The following PAAF1 variants were observed in gnomAD, a reference collection of about 807,000 sequenced individuals.
PAAF1 encodes proteasomal ATPase-associated factor 1.
Under a neutral mutation model 52.8 loss-of-function variants are expected in PAAF1, and 46 were observed. That is an observed-to-expected ratio of 0.87 (90% CI 0.69 to 1.11). PAAF1 has a LOEUF of 1.11. Ranked by LOEUF, PAAF1 falls within the 50% of genes most tolerant of loss-of-function variation. PAAF1 has a pLI of 0.00. For missense variants in PAAF1, 424 were observed against 477.4 expected, an observed-to-expected ratio of 0.89 and a Z score of 1.04; for synonymous variants, 178 against 172.8, an observed-to-expected ratio of 1.03 and a Z score of -0.24.
chr11:73,902,846 G>A (rs1016818283), intron 6 of PAAF1, among the ~76,000 whole-genome samples: 3 of 152,078 alleles, frequency 2.0e-5, no homozygotes, highest in African/African-American at 4.8e-5. Flanking sequence ...ACAGGCATGC[G>A]CCACCATGCC....
At chr11:73,922,241 T>G in intron 10 of PAAF1, 1 of 631,400 alleles carries the variant, frequency 1.6e-6, no homozygotes, top group Middle Eastern at 3.7e-4. Context: ...TTTTGTACTT[T>G]TCTACTTTTC....
rs1554982141 is a variant in PAAF1 at position 73,908,415 on chromosome 11, G to GTGTA, written c.533-983_533-982insGTAT. Among the ~76,000 whole-genome samples the GTGTA allele has an allele frequency of 1.8e-3, 243 of 137,048 alleles. 1 individual carries two copies. The highest frequency in any genetic ancestry group is 6.5e-3 in the African/African-American group (231 of 35,706). 89.9% of individuals were successfully genotyped at this position (137,048 alleles called of 152,430 possible). Reference sequence around the variant, plus strand: ...TATATATATGTGTATATATATGTGTGTATATATATATATGGGTCTTGCTCC... The same window carrying GTGTA: ...TATATATATGTGTATATATATGTGTGTGTATATATATATATATGGGTCTTGCTCC... On this transcript the variant is annotated intron_variant, in intron 6 of 11. Coordinates refer to ENST00000310571, the MANE Select transcript of PAAF1 (RefSeq NM_025155.3).
chr11:73,927,384 G>A lies in PAAF1; in HGVS notation c.*22G>A. 7 of 1,599,470 alleles carry A rather than the reference G, an allele frequency of 4.4e-6. No individual in the cohort carries two copies. Among genetic ancestry groups the A allele is most frequent in the Non-Finnish European group, 6.0e-6 (7 of 1,167,452 alleles). On this transcript the variant is annotated 3_prime_UTR_variant, in exon 12 of 12. Transcript: ENST00000310571. ...CTGACTTCTTGGAAAGAGCAGTCCC[G>A]GTTAGTGAAAAGGTTTGACCCTGAT...
At chr11:73,885,110 C>T (rs1252114213) in intron 2 of PAAF1, among the ~76,000 whole-genome samples, 55 of 150,714 alleles carry the variant, frequency 3.6e-4, no homozygotes, top group African/African-American at 1.2e-3. Context: ...CCACCCGCCT[C>T]GGCCTCCCAA....
intron 4 of PAAF1, among the ~76,000 whole-genome samples, chr11:73,896,789 GC>G (rs1042473323): frequency 4.6e-5 from 7 of 152,150 alleles, no homozygotes; most frequent in African/African-American, 1.7e-4. Flanking sequence ...TGTCCTCATG[GC>G]CCGTTCTCAA....
At chr11:73,898,466 T>G (rs1270034315) in intron 4 of PAAF1, among the ~76,000 whole-genome samples, 3 of 152,278 alleles carry the variant, frequency 2.0e-5, no homozygotes, top group Admixed American at 6.5e-5. Flanking sequence ...TCTTCCTGCC[T>G]TGGCCTCCCA....
chr11:73,887,792 C>T (rs186235366), intron 3 of PAAF1, among the ~76,000 whole-genome samples: 1 of 152,260 alleles, frequency 6.6e-6, no homozygotes, highest in Admixed American at 6.5e-5. Context: ...CTCTGTCGCC[C>T]AGGCTGGAGT....
At chr11:73,909,697 G>A in intron 7 of PAAF1, 104 bp downstream of exon 7, 2 of 1,019,676 alleles carry the variant, frequency 2.0e-6, no homozygotes. Context: ...CTCTGTGCCT[G>A]GTATTTCTGT....
chr11:73,924,630 T>C lies in PAAF1; in HGVS notation c.1034T>C (p.Phe345Ser). 2 of 1,613,964 alleles carry C rather than the reference T, an allele frequency of 1.2e-6. No homozygotes were observed. The highest frequency in any genetic ancestry group is 1.7e-6 in the Non-Finnish European group (2 of 1,179,878). Residue 345 changes from phenylalanine (F) to serine (S), a missense_variant, in exon 11 of 12, where the codon TTT becomes TCT. By Grantham distance (155) the Phe-to-Ser change is radical. Coordinates refer to ENST00000310571, the MANE Select transcript of PAAF1 (RefSeq NM_025155.3). ...TGCCTTTCAGGTGATGGAAGCTGTT[T>C]TATTGTCCAGCAAGACTTAGACTAT... ...FIASQGDGSC[F>S]IVQQDLDYVT...
intron 2 of PAAF1, among the ~76,000 whole-genome samples, chr11:73,885,447 T>C (rs1423071301): frequency 1.3e-5 from 2 of 151,952 alleles, no homozygotes; most frequent in African/African-American, 4.8e-5. Flanking sequence ...CGGCTGACTT[T>C]CTTTTATTCT....
intron 10 of PAAF1, chr11:73,922,303 G>C (rs1172047014): frequency 2.1e-6 from 1 of 472,998 alleles, no homozygotes; most frequent in Non-Finnish European, 3.9e-6. Flanking sequence ...TAAAGGCAAA[G>C]GGAGTAAGAT....
chr11:73,912,889 T>C (rs1762630736), intron 7 of PAAF1, among the ~76,000 whole-genome samples: 1 of 152,114 alleles, frequency 6.6e-6, no homozygotes, highest in Non-Finnish European at 1.5e-5. Flanking sequence ...CCTTCTTTTT[T>C]TTAAATTGAG....
chr11:73,916,698 C>A, intron 9 of PAAF1, 38 bp downstream of exon 9: 1 of 1,465,708 alleles, frequency 6.8e-7, no homozygotes. Flanking sequence ...AGGTCTTCTG[C>A]AGAGTGGAAA....
At chr11:73,926,739 T>C (rs2135243086) in intron 11 of PAAF1, among the ~76,000 whole-genome samples, 1 of 152,182 alleles carries the variant, frequency 6.6e-6, no homozygotes, top group African/African-American at 2.4e-5. Context: ...TCTTGTGTAG[T>C]GTTCCATATT....
At chr11:73,894,387 C>T (rs970652441) in intron 4 of PAAF1, among the ~76,000 whole-genome samples, 1 of 152,056 alleles carries the variant, frequency 6.6e-6, no homozygotes, top group Non-Finnish European at 1.5e-5. Context: ...CACCTGTAAT[C>T]CCATCACTTT....
intron 3 of PAAF1, 138 bp from the exon 4 acceptor site, chr11:73,890,974 G>A: frequency 3.4e-6 from 2 of 592,990 alleles, no homozygotes; most frequent in Non-Finnish European, 6.0e-6. Flanking sequence ...AGTTTTGTGG[G>A]GTGGGAAAGG....
In PAAF1 at chr11:73,916,605, C is replaced by G. The variant is rs1303802895; in HGVS notation, c.880C>G (p.Leu294Val). 1 of 1,613,986 alleles carries G rather than the reference C, an allele frequency of 6.2e-7. No individual in the cohort carries two copies. The highest frequency in any genetic ancestry group is 1.7e-5 in the Admixed American group (1 of 60,002). ...NCCTFLSGFL[L>V]LAGTQDGNIY... is the part of the protein sequence containing the mutation. ...CTGTACTTTTCTCTCTGGCTTCTTGCTATTGGCTGGGACTCAAGATGGAAA... is the reference window on the plus strand; with the variant it reads ...CTGTACTTTTCTCTCTGGCTTCTTGGTATTGGCTGGGACTCAAGATGGAAA... The change falls in exon 9 of 12, where the codon CTA (leucine) becomes GTA (valine). Residue 294 changes from leucine (L) to valine (V), a missense_variant. Transcript: ENST00000310571.
At chr11:73,924,270 C>T (rs966194477) in intron 10 of PAAF1, among the ~76,000 whole-genome samples, 32 of 152,076 alleles carry the variant, frequency 2.1e-4, no homozygotes, top group Admixed American at 9.2e-4. Context: ...GCCTGGCCAA[C>T]ATGGTGAAAC....
intron 2 of PAAF1, among the ~76,000 whole-genome samples, chr11:73,884,777 AACTATCATTTCCATG>A (rs1336771011): frequency 6.6e-6 from 1 of 152,204 alleles, no homozygotes; most frequent in Non-Finnish European, 1.5e-5. Flanking sequence ...TTTATCCCTC[AACTATCATTTCCATG>A]ACTGCTATTA....
Sources: gnomAD v4.1 joint callset for allele counts (sites outside exome capture counted in the v4.1 genomes callset) on GRCh38, gnomAD v4.1.1 for gene constraint, MANE v1.5 for transcripts, NCBI Gene and HGNC (gene_info 2026-07-23, HGNC 2026-07-21) for gene names.